The following OXCT1 variants were observed in gnomAD, a reference collection of about 807,000 sequenced individuals.
OXCT1 encodes succinyl-CoA:3-ketoacid coenzyme A transferase 1, mitochondrial.
OXCT1 carries 27 observed loss-of-function variants against 69.6 expected under a neutral mutation model. That is an observed-to-expected ratio of 0.39 (90% CI 0.29 to 0.54). The LOEUF is 0.54. Among genes scored for constraint, OXCT1 ranks in the 20% least tolerant of loss-of-function variants. The pLI, the probability that OXCT1 is intolerant of heterozygous loss-of-function variation, is 0.72. For missense variants in OXCT1, 437 were observed against 650.2 expected, an observed-to-expected ratio of 0.67 and a Z score of 3.57; for synonymous variants, 202 against 217.8, an observed-to-expected ratio of 0.93 and a Z score of 0.64.
At chr5:41,742,172 T>A (rs192768553) in intron 15 of OXCT1, among the ~76,000 whole-genome samples, 2 of 152,250 alleles carry the variant, frequency 1.3e-5, no homozygotes, top group Non-Finnish European at 2.9e-5. Context: ...AAAAACCTTA[T>A]TAACACATTT....
chr5:41,731,643 A>C lies in OXCT1; in HGVS notation c.*86T>G. 1 of 1,529,110 alleles carries C rather than the reference A, an allele frequency of 6.5e-7. No homozygotes were observed. The highest frequency in any genetic ancestry group is 2.0e-5 in the Admixed American group (1 of 51,064). 94.7% of individuals were successfully genotyped at this position (1,529,110 alleles called of 1,614,324 possible). A position where few individuals can be genotyped will look rare whatever the true frequency, so the allele number is the denominator to read the frequency against. Reference sequence around the variant, plus strand: ...ACTAATAAAAAACCACCTGTTAAATACACAATTATGATTATTGATGTCCTT... The same window carrying C: ...ACTAATAAAAAACCACCTGTTAAATCCACAATTATGATTATTGATGTCCTT... On this transcript the variant is annotated 3_prime_UTR_variant, in exon 17 of 17. Coordinates refer to ENST00000196371, the MANE Select transcript of OXCT1 (RefSeq NM_000436.4).
rs1445270833 is a variant in OXCT1 at position 41,730,146 on chromosome 5, A to G, written c.*1583T>C. 1 of 152,216 alleles carries G rather than the reference A, an allele frequency of 6.6e-6. No homozygotes were observed. Among genetic ancestry groups the G allele is most frequent in the East Asian group, 1.9e-4 (1 of 5,192 alleles). The allele number at this position is 152,216 out of a possible 1,614,324, so 9.4% of individuals were successfully genotyped here. A position where few individuals can be genotyped will look rare whatever the true frequency, so the allele number is the denominator to read the frequency against. ...ACTCTTCAATCAAGAATATAAAGTC[A>G]TCTACTTAGAATCACATTATCTTAA... On this transcript the variant is annotated 3_prime_UTR_variant, in exon 17 of 17. Transcript: ENST00000196371.
At chr5:41,816,224 C>T (rs10036888) in intron 7 of OXCT1, among the ~76,000 whole-genome samples, 3,100 of 152,238 alleles carry the variant, frequency 0.02, 108 homozygotes, top group African/African-American at 0.071. Flanking sequence ...TAGAATCCTA[C>T]ATATTTCATT....
intron 7 of OXCT1, among the ~76,000 whole-genome samples, chr5:41,820,055 C>T (rs1390700984): frequency 6.6e-6 from 1 of 152,116 alleles, no homozygotes; most frequent in Admixed American, 6.5e-5. Flanking sequence ...CTTTTCTTCC[C>T]TCACACAACT....
At chr5:41,745,809 A>G (rs1328312839) in intron 15 of OXCT1, among the ~76,000 whole-genome samples, 1 of 152,216 alleles carries the variant, frequency 6.6e-6, no homozygotes, top group African/African-American at 2.4e-5. Context: ...GAAGAAATGG[A>G]TAAATTCCTC....
intron 14 of OXCT1, among the ~76,000 whole-genome samples, chr5:41,761,010 A>G (rs1294311867): frequency 6.6e-6 from 1 of 152,150 alleles, no homozygotes. Flanking sequence ...ATGAACTGTC[A>G]TTTCCACTCA....
intron 11 of OXCT1, among the ~76,000 whole-genome samples, chr5:41,796,682 T>C (rs2112238510): frequency 6.6e-6 from 1 of 152,360 alleles, no homozygotes; most frequent in South Asian, 2.1e-4. Context: ...TTTTTGTATC[T>C]TTTAAAGTAC....
intron 7 of OXCT1, among the ~76,000 whole-genome samples, chr5:41,811,096 C>G (rs764137855): frequency 1.4e-5 from 2 of 144,848 alleles, no homozygotes; most frequent in African/African-American, 2.5e-5. Flanking sequence ...AAAAAAAAAG[C>G]AGCTGTGGAA....
At chr5:41,760,646 T>A (rs1044615350) in intron 14 of OXCT1, among the ~76,000 whole-genome samples, 13 of 152,114 alleles carry the variant, frequency 8.5e-5, no homozygotes, top group African/African-American at 3.1e-4. Context: ...AAAAAGAAAG[T>A]CTGAAAGAGT....
At chr5:41,837,836 T>C (rs997362897) in intron 7 of OXCT1, among the ~76,000 whole-genome samples, 2 of 152,136 alleles carry the variant, frequency 1.3e-5, no homozygotes, top group African/African-American at 4.8e-5. Flanking sequence ...CTGTGTGACA[T>C]TGGGTATATA....
In OXCT1 at chr5:41,762,537, C is replaced by T. The variant is rs1744400407; in HGVS notation, c.1249-337G>A. On this transcript the variant is annotated intron_variant, in intron 13 of 16. Coordinates refer to ENST00000196371, the MANE Select transcript of OXCT1 (RefSeq NM_000436.4). This position sits in a 1 kb window ranked among gnomAD's most constrained non-coding sequence, Gnocchi z 4.0. ...TTACACTATCAGATTGAAATCCAAACACCCCTGACATCCACTTCTTTTTAA... is the reference window on the plus strand; with the variant it reads ...TTACACTATCAGATTGAAATCCAAATACCCCTGACATCCACTTCTTTTTAA... Among the ~76,000 whole-genome samples the T allele has an allele frequency of 6.6e-6, 1 of 152,058 alleles. No homozygotes were observed. The highest frequency in any genetic ancestry group is 2.1e-4 in the South Asian group (1 of 4,826).
chr5:41,762,890 T>A lies in OXCT1; in HGVS notation c.1249-690A>T, dbSNP rs1744416997. Among the ~76,000 whole-genome samples, 1 of 152,158 alleles carries A rather than the reference T, an allele frequency of 6.6e-6. No homozygotes were observed. The highest frequency in any genetic ancestry group is 6.6e-5 in the Admixed American group (1 of 15,248). ...TACCAACCACCTTCTATGTACCACA[T>A]GCTCTGAAAAAGTCCATCCGTCTAT... On this transcript the variant is annotated intron_variant, in intron 13 of 16. Coordinates refer to ENST00000196371, the MANE Select transcript of OXCT1 (RefSeq NM_000436.4). This position sits in a 1 kb window ranked among gnomAD's most constrained non-coding sequence, Gnocchi z 4.0.
At chr5:41,854,135 T>C (rs1749319555) in intron 3 of OXCT1, among the ~76,000 whole-genome samples, 1 of 151,998 alleles carries the variant, frequency 6.6e-6, no homozygotes, top group Non-Finnish European at 1.5e-5. Context: ...ATATCATAAA[T>C]CTTTTGCTCA....
chr5:41,822,970 T>G (rs1424815364), intron 7 of OXCT1, among the ~76,000 whole-genome samples: 1 of 152,198 alleles, frequency 6.6e-6, no homozygotes, highest in African/African-American at 2.4e-5. Context: ...TTTGCTACTA[T>G]TCTCATCATT....
At chr5:41,736,287 A>C (rs1233802435) in intron 16 of OXCT1, among the ~76,000 whole-genome samples, 1 of 152,166 alleles carries the variant, frequency 6.6e-6, no homozygotes, top group Non-Finnish European at 1.5e-5. Context: ...TCTACAACAA[A>C]ATTTCCACAG....
rs189340624 is a variant in OXCT1 at position 41,743,301 on chromosome 5, C to A, written c.1420-3810G>T. On this transcript the variant is annotated intron_variant, in intron 15 of 16. Transcript: ENST00000196371. The stretch of plus-strand genomic sequence containing the variant: ...TCTTTTGAGAAGTGTCTGTTCATAT[C>A]CTTTACCCACTTTTTGATGGGGTTG... 4.4e-3 allele frequency among the ~76,000 whole-genome samples: 667 copies of A among 152,234 alleles called. 4 individuals are homozygous for A. Among genetic ancestry groups the A allele is most frequent in the Middle Eastern group, 0.014 (4 of 294 alleles).
intron 7 of OXCT1, among the ~76,000 whole-genome samples, chr5:41,821,179 C>T (rs1747529547): frequency 6.6e-6 from 1 of 152,186 alleles, no homozygotes; most frequent in Non-Finnish European, 1.5e-5. Flanking sequence ...AAATGGACTT[C>T]AAAGCCAATT....
intron 15 of OXCT1, among the ~76,000 whole-genome samples, chr5:41,745,353 T>C (rs1216256071): frequency 2.6e-5 from 4 of 150,946 alleles, no homozygotes; most frequent in Admixed American, 1.3e-4. Context: ...TTGAAACCAA[T>C]GAGAACAAAG....
At chr5:41,776,348 G>T (rs1745120007) in intron 13 of OXCT1, among the ~76,000 whole-genome samples, 1 of 152,144 alleles carries the variant, frequency 6.6e-6, no homozygotes, top group South Asian at 2.1e-4. Context: ...ACTGGGTGGG[G>T]GGAATATGGA....
Sources: gnomAD v4.1 joint callset for allele counts (sites outside exome capture counted in the v4.1 genomes callset) on GRCh38, gnomAD v4.1.1 for gene constraint, Gnocchi (gnomAD v3.1) non-coding constraint, MANE v1.5 for transcripts, NCBI Gene and HGNC (gene_info 2026-07-23, HGNC 2026-07-21) for gene names.